PDZRN4: variants seen among roughly 807,000 people sequenced by gnomAD.
PDZRN4 encodes the protein PDZ domain containing ring finger 4.
In PDZRN4, 70 loss-of-function variants were observed where a neutral mutation model predicts 99.0. That is an observed-to-expected ratio of 0.71 (90% CI 0.58 to 0.86). The LOEUF is 0.86. PDZRN4 is among the 40% of genes least tolerant of loss of function. PDZRN4 has a pLI of 0.00. For synonymous variants in PDZRN4, 551 were observed against 501.6 expected (o/e 1.10, Z -1.32); for missense variants, 1,474 against 1,331.2 (o/e 1.11, Z -1.67).
At chr12:41,547,380 C>T (rs373417156) in intron 5 of PDZRN4, among the ~76,000 whole-genome samples, 1 of 152,168 alleles carries the variant, frequency 6.6e-6, no homozygotes, top group Non-Finnish European at 1.5e-5. Context: ...AATCCCAGCA[C>T]TTTGGGAGGC....
intron 3 of PDZRN4, among the ~76,000 whole-genome samples, chr12:41,251,823 AT>A (rs1270775174): frequency 6.6e-6 from 1 of 152,166 alleles, no homozygotes; most frequent in Non-Finnish European, 1.5e-5. Flanking sequence ...AAAACGTTAT[AT>A]TTAAAATAAG....
At chr12:41,439,213 A>G (rs1480115440) in intron 3 of PDZRN4, among the ~76,000 whole-genome samples, 1 of 152,208 alleles carries the variant, frequency 6.6e-6, no homozygotes, top group Non-Finnish European at 1.5e-5. Flanking sequence ...AAGAAGATTA[A>G]CATTGTTAAT....
intron 3 of PDZRN4, among the ~76,000 whole-genome samples, chr12:41,333,585 G>A (rs924509584): frequency 6.6e-6 from 1 of 152,044 alleles, no homozygotes; most frequent in African/African-American, 2.4e-5. Flanking sequence ...TCCAGGTCTT[G>A]GACCCTCCTT....
intron 5 of PDZRN4, among the ~76,000 whole-genome samples, chr12:41,524,930 C>T (rs762115449): frequency 2.4e-4 from 36 of 151,992 alleles, no homozygotes; most frequent in Non-Finnish European, 4.3e-4. Flanking sequence ...TGAAACATGA[C>T]AGACATTATT....
intron 7 of PDZRN4, among the ~76,000 whole-genome samples, chr12:41,562,641 GA>G (rs144154089): frequency 6.6e-6 from 1 of 151,704 alleles, no homozygotes; most frequent in Non-Finnish European, 1.5e-5. Flanking sequence ...ATATCCAAAG[GA>G]AAAAGTTTTA....
intron 3 of PDZRN4, among the ~76,000 whole-genome samples, chr12:41,246,692 A>G (rs573429006): frequency 3.9e-5 from 6 of 152,124 alleles, no homozygotes; most frequent in Non-Finnish European, 7.4e-5. Context: ...CATGTTCTTT[A>G]TCTTATGAAC....
chr12:41,461,530 T>C (rs1190638679), intron 3 of PDZRN4, among the ~76,000 whole-genome samples: 1 of 152,134 alleles, frequency 6.6e-6, no homozygotes, highest in Non-Finnish European at 1.5e-5. Context: ...CAGACAAGGC[T>C]CCCAACAACC....
intron 3 of PDZRN4, among the ~76,000 whole-genome samples, chr12:41,302,254 G>A (rs1021959859): frequency 1.3e-5 from 2 of 151,868 alleles, no homozygotes; most frequent in African/African-American, 4.8e-5. Context: ...AAAAATTTGT[G>A]TACTTTTGTA....
At chr12:41,243,022 T>C (rs1951110654) in intron 3 of PDZRN4, among the ~76,000 whole-genome samples, 1 of 152,184 alleles carries the variant, frequency 6.6e-6, no homozygotes, top group Non-Finnish European at 1.5e-5. Flanking sequence ...GTAAGATTCA[T>C]TTCAGTATTT....
At position 41,572,984 on chromosome 12, in the gene PDZRN4, T is replaced by C; in HGVS notation, c.2205T>C (p.Ser735=). 4 of 1,614,040 alleles carry C rather than the reference T, an allele frequency of 2.5e-6. No individual in the cohort carries two copies. Among genetic ancestry groups the C allele is most frequent in the Non-Finnish European group, 3.4e-6 (4 of 1,179,980 alleles). Residue 735 remains serine (S), a synonymous_variant, in exon 10 of 10, where the codon AGT becomes AGC. Transcript: ENST00000402685. ...MEHPEKSDKD[S]SSAYNTAESC... is the part of the protein sequence containing the mutation. ...ATCCAGAAAAGTCTGACAAGGACAG[T>C]TCTAGTGCTTACAACACAGCTGAGA...
At chr12:41,264,925 C>A (rs1031343948) in intron 3 of PDZRN4, among the ~76,000 whole-genome samples, 1 of 152,092 alleles carries the variant, frequency 6.6e-6, no homozygotes, top group South Asian at 2.1e-4. Context: ...ACACTAGACA[C>A]TGGGTACTCC....
At chr12:41,441,103 G>T (rs1032728274) in intron 3 of PDZRN4, among the ~76,000 whole-genome samples, 1 of 152,160 alleles carries the variant, frequency 6.6e-6, no homozygotes, top group Non-Finnish European at 1.5e-5. Flanking sequence ...TTGATGGGAT[G>T]TTCGTTGGTG....
chr12:41,498,667 GT>G (rs1387986477), intron 3 of PDZRN4, among the ~76,000 whole-genome samples: 7 of 152,086 alleles, frequency 4.6e-5, no homozygotes, highest in Admixed American at 6.6e-5. Flanking sequence ...TGGGGATTAA[GT>G]TTCTAACGTG....
intron 3 of PDZRN4, among the ~76,000 whole-genome samples, chr12:41,242,026 G>C (rs1263700773): frequency 6.6e-6 from 1 of 152,216 alleles, no homozygotes; most frequent in Non-Finnish European, 1.5e-5. Flanking sequence ...CACACAGTGT[G>C]AGAGATCTGC....
At chr12:41,544,989 C>G (rs901717137) in intron 5 of PDZRN4, among the ~76,000 whole-genome samples, 2 of 152,112 alleles carry the variant, frequency 1.3e-5, no homozygotes, top group East Asian at 3.9e-4. Context: ...GTTTAAGAAC[C>G]GATAGGACAA....
chr12:41,493,752 A>T (rs1937934839), intron 3 of PDZRN4, among the ~76,000 whole-genome samples: 1 of 151,946 alleles, frequency 6.6e-6, no homozygotes, highest in Non-Finnish European at 1.5e-5. Flanking sequence ...TTTCACTTGG[A>T]ACTTTGTCCT....
At chr12:41,288,974 A>G (rs1951439049) in intron 3 of PDZRN4, among the ~76,000 whole-genome samples, 1 of 152,092 alleles carries the variant, frequency 6.6e-6, no homozygotes, top group Non-Finnish European at 1.5e-5. Flanking sequence ...TTAACACATT[A>G]CAATTTTCTC....
intron 3 of PDZRN4, among the ~76,000 whole-genome samples, chr12:41,256,624 C>T (rs987689664): frequency 2.0e-5 from 3 of 152,188 alleles, no homozygotes; most frequent in Admixed American, 1.3e-4. Flanking sequence ...TTACAAGATA[C>T]TCACTTTATA....
At chr12:41,371,941 T>C (rs1952045358) in intron 3 of PDZRN4, among the ~76,000 whole-genome samples, 1 of 152,132 alleles carries the variant, frequency 6.6e-6, no homozygotes, top group African/African-American at 2.4e-5. Flanking sequence ...ACACTTTCCC[T>C]AGTTTATTCC....
Sources: allele counts gnomAD v4.1 joint callset (sites outside exome capture counted in the v4.1 genomes callset), GRCh38; gene constraint gnomAD v4.1.1; transcripts MANE v1.5; gene names NCBI Gene and HGNC (gene_info 2026-07-23, HGNC 2026-07-21).